ZC3H12B: variants seen among roughly 807,000 people sequenced by gnomAD.
The protein encoded by ZC3H12B is probable ribonuclease ZC3H12B.
ZC3H12B carries 7 observed loss-of-function variants against 43.9 expected under a neutral mutation model. The observed-to-expected ratio is 0.16, with a 90% CI of 0.09 to 0.30. The LOEUF (loss-of-function observed/expected upper bound fraction) is 0.30. ZC3H12B is among the 10% of genes least tolerant of loss of function. The pLI is 1.00. For missense variants in ZC3H12B, 475 were observed against 670.2 expected (o/e 0.71, Z 3.22); for synonymous variants, 222 against 241.7 (o/e 0.92, Z 0.76).
the ZC3H12B span, among the ~76,000 whole-genome samples, chrX:65,179,256 G>A: frequency 1.8e-5 from 2 of 109,220 alleles, no homozygotes; most frequent in African/African-American, 6.7e-5. Context: ...GGGGCCTGTC[G>A]GGGTGTTGGG....
the ZC3H12B span, among the ~76,000 whole-genome samples, chrX:65,212,322 T>TATATAATATATTA: frequency 9.0e-5 from 1 of 11,079 alleles, no homozygotes; most frequent in Non-Finnish European, 1.6e-4. Flanking sequence ...ATTATTATAT[T>TATATAATATATTA]TATATTATAT....
At chrX:65,330,691 A>G in the ZC3H12B span, 2 of 116,870 alleles carry the variant, frequency 1.7e-5, no homozygotes, top group African/African-American at 6.5e-5. Context: ...GGTTCTGTTT[A>G]TGTGATGGAT....
At chrX:65,454,708 C>T (rs1392587732) in intron 3 of ZC3H12B, among the ~76,000 whole-genome samples, 1 of 111,874 alleles carries the variant, frequency 8.9e-6, no homozygotes, top group Non-Finnish European at 1.9e-5. Context: ...CCCCAAGTAG[C>T]CTAACTGGGA....
the ZC3H12B span, among the ~76,000 whole-genome samples, chrX:65,357,787 A>G: frequency 9.0e-6 from 1 of 111,711 alleles, no homozygotes; most frequent in East Asian, 2.8e-4. Flanking sequence ...GCATCAACTA[A>G]TGTGCAAAAT....
the ZC3H12B span, among the ~76,000 whole-genome samples, chrX:65,181,058 T>G: frequency 9.0e-6 from 1 of 111,079 alleles, no homozygotes; most frequent in Non-Finnish European, 1.9e-5. Context: ...AACAGACACA[T>G]AGGCCAATGG....
chrX:65,128,497 G>A, the ZC3H12B span, among the ~76,000 whole-genome samples: 1 of 111,725 alleles, frequency 9.0e-6, no homozygotes, highest in African/African-American at 3.2e-5. Context: ...ATATTGACAT[G>A]TTTTGTTGGT....
chrX:65,249,335 A>G, the ZC3H12B span, among the ~76,000 whole-genome samples: 1 of 111,976 alleles, frequency 8.9e-6, no homozygotes, highest in Non-Finnish European at 1.9e-5. Context: ...ATGGTATCCT[A>G]TCCCTACTTT....
intron 3 of ZC3H12B, among the ~76,000 whole-genome samples, chrX:65,454,163 A>C (rs2067567165): frequency 8.9e-6 from 1 of 112,730 alleles, no homozygotes; most frequent in Admixed American, 9.3e-5. Flanking sequence ...GGTGCAGTGC[A>C]CCAAGCCTGA....
chrX:65,179,114 C>T, the ZC3H12B span, among the ~76,000 whole-genome samples: 4 of 110,919 alleles, frequency 3.6e-5, no homozygotes, highest in South Asian at 3.8e-4. Context: ...GAATGGACAT[C>T]GATGAAGCTG....
chrX:65,222,003 G>T, the ZC3H12B span, among the ~76,000 whole-genome samples: 3 of 111,416 alleles, frequency 2.7e-5, no homozygotes, highest in Non-Finnish European at 3.8e-5. Flanking sequence ...AATCCACCAT[G>T]ATCAAGTGGG....
the ZC3H12B span, among the ~76,000 whole-genome samples, chrX:65,168,615 G>A: frequency 9.0e-6 from 1 of 111,234 alleles, no homozygotes; most frequent in African/African-American, 3.3e-5. Flanking sequence ...AGAAGGAATG[G>A]TACCAGCTCC....
chrX:65,064,276 G>A, the ZC3H12B span, among the ~76,000 whole-genome samples: 5 of 111,661 alleles, frequency 4.5e-5, no homozygotes, highest in African/African-American at 1.6e-4. Flanking sequence ...CCCAGTTTCT[G>A]ATGTGGGTAT....
At chrX:65,221,473 T>C in the ZC3H12B span, among the ~76,000 whole-genome samples, 16 of 110,200 alleles carry the variant, frequency 1.5e-4, no homozygotes, top group Non-Finnish European at 2.3e-4. Context: ...AAGAGAGAAG[T>C]TCCAAATAAG....
chrX:65,151,841 T>A, the ZC3H12B span, among the ~76,000 whole-genome samples: 1 of 111,672 alleles, frequency 9.0e-6, no homozygotes, highest in Admixed American at 9.5e-5. Context: ...AATAAAATAC[T>A]GGCAAACTGA....
the ZC3H12B span, among the ~76,000 whole-genome samples, chrX:65,194,046 A>G: frequency 9.2e-6 from 1 of 109,242 alleles, no homozygotes; most frequent in Non-Finnish European, 1.9e-5. Flanking sequence ...AAACAACCAG[A>G]TATCACGAGA....
chrX:65,184,013 A>G, the ZC3H12B span, among the ~76,000 whole-genome samples: 2 of 111,270 alleles, frequency 1.8e-5, no homozygotes, highest in African/African-American at 3.3e-5. Context: ...ACTGCCCAGC[A>G]TATTTGGAAT....
chrX:65,316,147 T>C, the ZC3H12B span, among the ~76,000 whole-genome samples: 2 of 111,531 alleles, frequency 1.8e-5, no homozygotes, highest in African/African-American at 6.5e-5. Context: ...TAAAGAAGAA[T>C]GGACAAGACC....
At chrX:65,062,157 A>C in the ZC3H12B span, among the ~76,000 whole-genome samples, 1 of 112,069 alleles carries the variant, frequency 8.9e-6, no homozygotes, top group Non-Finnish European at 1.9e-5. Context: ...GCAGTTCTTT[A>C]GTTTAATTAG....
chrX:65,325,880 GAAAT>G, the ZC3H12B span, among the ~76,000 whole-genome samples: 1 of 111,322 alleles, frequency 9.0e-6, no homozygotes, highest in African/African-American at 3.3e-5. Context: ...ATACAGCCCA[GAAAT>G]AAATAAATAA....
Sources: allele counts gnomAD v4.1 joint callset (sites outside exome capture counted in the v4.1 genomes callset), GRCh38; gene constraint gnomAD v4.1.1; transcripts MANE v1.5; gene names NCBI Gene and HGNC (gene_info 2026-07-23, HGNC 2026-07-21).